Variants in SYN3 observed in about 807,000 individuals in gnomAD.
SYN3 encodes synapsin III, also known as synapsin-3.
In SYN3, 35 loss-of-function variants were observed where a neutral mutation model predicts 65.8. That is an observed-to-expected ratio of 0.53 (90% CI 0.41 to 0.70). SYN3 has a LOEUF of 0.70. Among genes scored for constraint, SYN3 ranks in the 30% least tolerant of loss-of-function variants. The pLI, the probability that SYN3 is intolerant of heterozygous loss-of-function variation, is 0.00. For missense variants in SYN3, 680 were observed against 749.0 expected (o/e 0.91, Z 1.08); for synonymous variants, 270 against 292.9 (o/e 0.92, Z 0.80).
At chr22:32,897,509 C>G (rs1205803365) in intron 4 of SYN3, among the ~76,000 whole-genome samples, 1 of 152,204 alleles carries the variant, frequency 6.6e-6, no homozygotes, top group Non-Finnish European at 1.5e-5. Context: ...CGCCGGCCTC[C>G]CATCCTGCAG....
intron 6 of SYN3, among the ~76,000 whole-genome samples, chr22:32,776,848 C>T (rs921553045): frequency 6.6e-6 from 1 of 152,196 alleles, no homozygotes; most frequent in Non-Finnish European, 1.5e-5. Flanking sequence ...CAAGGCTACC[C>T]TGGTCATCAC....
At chr22:32,674,058 T>A (rs1471673643) in intron 6 of SYN3, among the ~76,000 whole-genome samples, 1 of 150,056 alleles carries the variant, frequency 6.7e-6, no homozygotes, top group East Asian at 2.0e-4. Flanking sequence ...AGGGTGAGAG[T>A]GTGGATAGTG....
At chr22:32,529,123 G>A (rs1200471353) in intron 10 of SYN3, 115 bp from the exon 11 acceptor site, 4 of 1,325,044 alleles carry the variant, frequency 3.0e-6, no homozygotes, top group East Asian at 2.3e-5. Flanking sequence ...ACCAGATGGC[G>A]ATGTCCTCCA....
intron 4 of SYN3, among the ~76,000 whole-genome samples, chr22:32,883,151 T>C (rs937892426): frequency 7.9e-5 from 12 of 152,292 alleles, no homozygotes; most frequent in Admixed American, 2.0e-4. Context: ...TGGGTGAGTA[T>C]TGAGCAGCTA....
chr22:32,854,768 C>T (rs983625437), intron 6 of SYN3, among the ~76,000 whole-genome samples: 1 of 152,174 alleles, frequency 6.6e-6, no homozygotes, highest in Admixed American at 6.5e-5. Flanking sequence ...CACTTGGCTG[C>T]GTTACCGTGC....
chr22:32,911,332 C>A (rs2050045587), intron 4 of SYN3, among the ~76,000 whole-genome samples: 1 of 152,232 alleles, frequency 6.6e-6, no homozygotes, highest in African/African-American at 2.4e-5. Context: ...CAGCCCCAAG[C>A]TAGAGCACAG....
intron 6 of SYN3, among the ~76,000 whole-genome samples, chr22:32,743,056 T>C (rs895166573): frequency 4.6e-5 from 7 of 152,216 alleles, no homozygotes; most frequent in African/African-American, 9.6e-5. Flanking sequence ...AACAAATCAA[T>C]GAAAACCTTG....
At chr22:32,657,354 A>C (rs1428107442) in intron 6 of SYN3, among the ~76,000 whole-genome samples, 1 of 151,362 alleles carries the variant, frequency 6.6e-6, no homozygotes, top group Non-Finnish European at 1.5e-5. Context: ...CGATCTACTG[A>C]CATTGTGATC....
At chr22:33,005,754 G>A (rs1007446233) in intron 2 of SYN3, among the ~76,000 whole-genome samples, 4 of 152,216 alleles carry the variant, frequency 2.6e-5, no homozygotes, top group Non-Finnish European at 5.9e-5. Context: ...CCCAAGGTTT[G>A]GGATAAGGAC....
chr22:33,025,029 A>T (rs2053616588), intron 1 of SYN3, among the ~76,000 whole-genome samples: 1 of 152,174 alleles, frequency 6.6e-6, no homozygotes, highest in South Asian at 2.1e-4. Flanking sequence ...TTCTGGCCCC[A>T]TTTTGTCTGA....
At chr22:32,643,549 T>TGGGTG (rs2059933980) in intron 6 of SYN3, among the ~76,000 whole-genome samples, 1 of 4,526 alleles carries the variant, frequency 2.2e-4, no homozygotes, top group Admixed American at 2.4e-3. Context: ...TTAGAAATGG[T>TGGGTG]GGGGGGGCGG....
chr22:32,993,471 G>A (rs904673064), intron 2 of SYN3, among the ~76,000 whole-genome samples: 4 of 151,900 alleles, frequency 2.6e-5, no homozygotes, highest in South Asian at 2.1e-4. Context: ...TTCTCCTCCC[G>A]AGTAGCTGGG....
chr22:32,944,299 A>C (rs1215848928), intron 3 of SYN3, among the ~76,000 whole-genome samples: 1 of 152,214 alleles, frequency 6.6e-6, no homozygotes, highest in African/African-American at 2.4e-5. Context: ...AAACTCACTC[A>C]AAACCGCTCA....
intron 4 of SYN3, among the ~76,000 whole-genome samples, chr22:32,902,693 G>A (rs2049794288): frequency 6.6e-6 from 1 of 152,078 alleles, no homozygotes; most frequent in Non-Finnish European, 1.5e-5. Flanking sequence ...GGGACTCGTG[G>A]GCAGGTTCAT....
chr22:32,682,348 A>G (rs947462653), intron 6 of SYN3, among the ~76,000 whole-genome samples: 1 of 152,192 alleles, frequency 6.6e-6, no homozygotes, highest in Non-Finnish European at 1.5e-5. Flanking sequence ...AGGATCTTGA[A>G]CAGAGGAGTG....
intron 6 of SYN3, among the ~76,000 whole-genome samples, chr22:32,609,140 T>A (rs1023137605): frequency 1.3e-5 from 2 of 152,008 alleles, no homozygotes; most frequent in East Asian, 1.9e-4. Context: ...CTGGCTAACA[T>A]GGTGAAACCC....
At chr22:32,558,176 C>T (rs1048544469) in intron 7 of SYN3, among the ~76,000 whole-genome samples, 2 of 152,212 alleles carry the variant, frequency 1.3e-5, no homozygotes, top group Non-Finnish European at 2.9e-5. Flanking sequence ...GGCCCCTCTC[C>T]TTCCTGGAGC....
intron 6 of SYN3, among the ~76,000 whole-genome samples, chr22:32,828,577 T>C (rs1238855563): frequency 1.3e-5 from 2 of 152,182 alleles, no homozygotes; most frequent in African/African-American, 2.4e-5. Flanking sequence ...TAAGGGCCTT[T>C]ATTTGGTCTG....
intron 13 of SYN3, among the ~76,000 whole-genome samples, chr22:32,516,512 C>T (rs1009488179): frequency 1.3e-5 from 2 of 152,042 alleles, no homozygotes; most frequent in African/African-American, 2.4e-5. Context: ...TACAGGCGTG[C>T]ACCAGCACGC....
Sources: allele counts gnomAD v4.1 joint callset (sites outside exome capture counted in the v4.1 genomes callset), GRCh38; gene constraint gnomAD v4.1.1; transcripts MANE v1.5; gene names NCBI Gene and HGNC (gene_info 2026-07-23, HGNC 2026-07-21).